Variants in CFAP221 observed in about 807,000 individuals in gnomAD.
CFAP221 encodes the protein cilia- and flagella-associated protein 221.
CFAP221 carries 97 observed loss-of-function variants against 113.1 expected under a neutral mutation model. That is an observed-to-expected ratio of 0.86 (90% CI 0.73 to 1.02). The LOEUF is 1.02. CFAP221 is among the 50% of genes least tolerant of loss of function. The pLI is 0.00. For missense variants in CFAP221, 1,025 were observed against 1,013.4 expected (o/e 1.01, Z -0.16); for synonymous variants, 331 against 354.4 (o/e 0.93, Z 0.74).
chr2:119,647,569 C>A (rs1383548755), intron 22 of CFAP221, among the ~76,000 whole-genome samples: 1 of 152,204 alleles, frequency 6.6e-6, no homozygotes, highest in Non-Finnish European at 1.5e-5. Context: ...TGTCCCAGGG[C>A]AGCTTCTCCA....
At chr2:119,655,025 G>T (rs1310247337) in intron 23 of CFAP221, among the ~76,000 whole-genome samples, 8 of 152,070 alleles carry the variant, frequency 5.3e-5, no homozygotes, top group African/African-American at 1.9e-4. Flanking sequence ...AGTCCTCCCT[G>T]CCAGACACCC....
chr2:119,615,644 C>T lies in CFAP221; in HGVS notation c.1345C>T (p.Leu449Phe), dbSNP rs766151011. ...GGAATTTCATCCTACTTTTGATCCA[C>T]TCATTAATAACACTTGGCTCAGCAG... Reference protein sequence around the residue: ...IKEFHPTFDPLINNTWLSRSR... With the variant: ...IKEFHPTFDPFINNTWLSRSR... Residue 449 changes from leucine (L) to phenylalanine (F), a missense_variant, in exon 14 of 24, where the codon CTC (leucine) becomes TTC (phenylalanine). By Grantham distance (22) the Leu-to-Phe change is conservative. Coordinates refer to ENST00000413369, the MANE Select transcript of CFAP221 (RefSeq NM_001271049.2). 3 of 1,611,688 alleles carry T rather than the reference C, an allele frequency of 1.9e-6. No homozygotes were observed. Among genetic ancestry groups the T allele is most frequent in the Middle Eastern group, 1.7e-4 (1 of 6,054 alleles).
chr2:119,635,669 A>C (rs754400263), intron 19 of CFAP221, among the ~76,000 whole-genome samples: 3 of 152,232 alleles, frequency 2.0e-5, no homozygotes, highest in Non-Finnish European at 4.4e-5. Flanking sequence ...TAAATGTGTC[A>C]TTTATTATAC....
chr2:119,630,061 G>T (rs12711931), intron 17 of CFAP221, 106 bp downstream of exon 17: 1 of 942,564 alleles, frequency 1.1e-6, no homozygotes, highest in African/African-American at 1.6e-5. Context: ...TGGTAGATTA[G>T]ACTGTGTGGC....
At chr2:119,618,935 G>T (rs771610819) in intron 14 of CFAP221, among the ~76,000 whole-genome samples, 4 of 152,150 alleles carry the variant, frequency 2.6e-5, no homozygotes, top group Non-Finnish European at 5.9e-5. Context: ...GCTTGAGTAG[G>T]CGATTTTCCC....
intron 21 of CFAP221, among the ~76,000 whole-genome samples, chr2:119,644,176 A>C (rs538178565): frequency 1.3e-5 from 2 of 152,304 alleles, no homozygotes; most frequent in African/African-American, 2.4e-5. Context: ...CAAAAATTTA[A>C]AAAATAAATA....
At chr2:119,653,901 C>G (rs1184015244) in intron 23 of CFAP221, among the ~76,000 whole-genome samples, 1 of 152,100 alleles carries the variant, frequency 6.6e-6, no homozygotes, top group Non-Finnish European at 1.5e-5. Context: ...ATACTAAAAA[C>G]TTATCTATGC....
chr2:119,597,426 A>G (rs766360438), intron 7 of CFAP221, among the ~76,000 whole-genome samples: 1 of 152,186 alleles, frequency 6.6e-6, no homozygotes, highest in Non-Finnish European at 1.5e-5. Context: ...GCATTGCTAG[A>G]ATGTGGATGA....
chr2:119,651,850 G>T lies in CFAP221; in HGVS notation c.2319-124G>T, dbSNP rs574171915. 1.5e-4 allele frequency: 99 copies of T among 641,452 alleles called. No homozygotes were observed. The South Asian group carries it at 2.9e-3, about 19-fold the overall frequency. 39.7% of individuals were successfully genotyped at this position (641,452 alleles called of 1,614,324 possible). A position where few individuals can be genotyped will look rare whatever the true frequency, so the allele number is the denominator to read the frequency against. ...GCTTCTTTTAATGTAAACAACAAAA[G>T]TAGATGGAACTAAAGTTGAATACCA... is the stretch of plus-strand genomic sequence containing the variant. On this transcript the variant is annotated intron_variant, in intron 22 of 23. Transcript: ENST00000413369.
intron 16 of CFAP221, 91 bp from the exon 17 acceptor site, chr2:119,629,784 T>C: frequency 2.9e-6 from 3 of 1,025,158 alleles, no homozygotes; most frequent in Non-Finnish European, 4.4e-6. Flanking sequence ...GTAGAACTGG[T>C]CACTAATGTT....
intron 1 of CFAP221, 30 bp from the exon 2 acceptor site, chr2:119,546,055 A>G: frequency 7.1e-7 from 1 of 1,405,430 alleles, no homozygotes; most frequent in Non-Finnish European, 9.4e-7. Flanking sequence ...TTTCTCATGG[A>G]TGATTATACT....
intron 7 of CFAP221, among the ~76,000 whole-genome samples, chr2:119,590,542 A>C (rs1166063340): frequency 6.6e-6 from 1 of 152,236 alleles, no homozygotes; most frequent in Admixed American, 6.5e-5. Flanking sequence ...CCGCTAGTCC[A>C]ATCATCCCAT....
chr2:119,554,222 T>G (rs1680624479), intron 3 of CFAP221, among the ~76,000 whole-genome samples: 2 of 152,216 alleles, frequency 1.3e-5, no homozygotes, highest in South Asian at 2.1e-4. Flanking sequence ...AATGACTGAA[T>G]GTGTATTTAA....
At chr2:119,546,509 A>G (rs1680062697) in intron 2 of CFAP221, among the ~76,000 whole-genome samples, 1 of 152,122 alleles carries the variant, frequency 6.6e-6, no homozygotes, top group Non-Finnish European at 1.5e-5. Flanking sequence ...TGTCTTTCCT[A>G]TCTGCTCCCC....
chr2:119,657,596 T>G (rs1384903016), downstream of CFAP221, among the ~76,000 whole-genome samples: 2 of 152,238 alleles, frequency 1.3e-5, no homozygotes, highest in Non-Finnish European at 2.9e-5. Context: ...TCCTCTAACA[T>G]TAACATCTCC....
intron 7 of CFAP221, among the ~76,000 whole-genome samples, chr2:119,595,352 T>C (rs563389162): frequency 2.6e-5 from 4 of 152,376 alleles, no homozygotes; most frequent in African/African-American, 9.6e-5. Flanking sequence ...TTTACAGGAC[T>C]TGGTAGTCAG....
chr2:119,548,979 T>A (rs1680237089), intron 2 of CFAP221, 106 bp from the exon 3 acceptor site: 1 of 687,528 alleles, frequency 1.5e-6, no homozygotes, highest in East Asian at 3.1e-5. Context: ...AATTTTCATA[T>A]GCTTAAAATG....
At chr2:119,560,308 C>T (rs1331098642) in intron 5 of CFAP221, among the ~76,000 whole-genome samples, 1 of 152,204 alleles carries the variant, frequency 6.6e-6, no homozygotes, top group East Asian at 1.9e-4. Flanking sequence ...CTTCATCTAT[C>T]ATGTGGTGCT....
At chr2:119,573,689 A>G (rs970022943) in intron 6 of CFAP221, among the ~76,000 whole-genome samples, 7 of 152,226 alleles carry the variant, frequency 4.6e-5, no homozygotes, top group African/African-American at 1.7e-4. Context: ...GCGAGACCTC[A>G]TCACTAAGAA....
Sources: gnomAD v4.1 joint callset for allele counts (sites outside exome capture counted in the v4.1 genomes callset) on GRCh38, gnomAD v4.1.1 for gene constraint, MANE v1.5 for transcripts, NCBI Gene and HGNC (gene_info 2026-07-23, HGNC 2026-07-21) for gene names.